Variants in ZWILCH observed in about 807,000 individuals in gnomAD.
ZWILCH encodes the protein zwilch kinetochore protein.
A neutral mutation model predicts 79.9 loss-of-function variants in ZWILCH; 74 were observed. The observed-to-expected ratio is 0.93, with a 90% CI of 0.77 to 1.12. The LOEUF is 1.12. ZWILCH is among the 50% of genes most tolerant of loss of function. The pLI, the probability that ZWILCH is intolerant of heterozygous loss-of-function variation, is 0.00. For synonymous variants in ZWILCH, 241 were observed against 228.2 expected (o/e 1.06, Z -0.51); for missense variants, 694 against 687.5 (o/e 1.01, Z -0.11).
Position 66,548,356 on chromosome 15 carries a change from G to A in ZWILCH, c.*32G>A. On this transcript the variant is annotated 3_prime_UTR_variant, in exon 19 of 19. Coordinates refer to ENST00000307897, the MANE Select transcript of ZWILCH (RefSeq NM_017975.5). ...TTCTAATTCTTAAATCCCAGCACAA[G>A]CCAAAAAGAGAAAGAGAAAAAAAGG... 1 of 464,888 alleles carries A rather than the reference G, an allele frequency of 2.2e-6. No homozygotes were observed. The highest frequency in any genetic ancestry group is 3.8e-6 in the Non-Finnish European group (1 of 261,090). The allele number at this position is 464,888 out of a possible 1,614,324, so 28.8% of individuals were successfully genotyped here.
intron 2 of ZWILCH, 158 bp from the exon 3 acceptor site, chr15:66,513,830 C>T (rs977878317): frequency 3.0e-5 from 12 of 396,180 alleles, no homozygotes; most frequent in South Asian, 6.0e-5. Context: ...CTGGGCCTCC[C>T]GAAGTGCTGG....
At chr15:66,545,787 G>A (rs1480695798) in intron 17 of ZWILCH, among the ~76,000 whole-genome samples, 1 of 152,172 alleles carries the variant, frequency 6.6e-6, no homozygotes, top group Non-Finnish European at 1.5e-5. Flanking sequence ...TTCAAACAAA[G>A]TCTTAATTGT....
At chr15:66,525,756 C>CTTTTTTTTTT (rs66835007) in intron 8 of ZWILCH, among the ~76,000 whole-genome samples, 4 of 93,468 alleles carry the variant, frequency 4.3e-5, no homozygotes, top group Non-Finnish European at 6.1e-5. Flanking sequence ...TCACATTTTT[C>CTTTTTTTTTT]TTTTTTTTTT....
chr15:66,522,751 A>G (rs1253707924), intron 7 of ZWILCH, among the ~76,000 whole-genome samples: 2 of 152,236 alleles, frequency 1.3e-5, no homozygotes, highest in Non-Finnish European at 2.9e-5. Flanking sequence ...TCTCAACTAT[A>G]TTGTTTAAAA....
intron 8 of ZWILCH, among the ~76,000 whole-genome samples, chr15:66,526,737 C>T (rs1894688516): frequency 6.6e-6 from 1 of 152,114 alleles, no homozygotes; most frequent in African/African-American, 2.4e-5. Flanking sequence ...GCTGGGATTA[C>T]AGGTGTGAGC....
intron 14 of ZWILCH, among the ~76,000 whole-genome samples, 198 bp from the exon 15 acceptor site, chr15:66,535,735 G>A (rs1894994663): frequency 6.7e-6 from 1 of 149,608 alleles, no homozygotes; most frequent in East Asian, 1.9e-4. Context: ...AAACACTGTT[G>A]TATGGTGCAT....
chr15:66,539,034 T>C (rs756091210), intron 16 of ZWILCH, among the ~76,000 whole-genome samples: 1 of 152,220 alleles, frequency 6.6e-6, no homozygotes, highest in Non-Finnish European at 1.5e-5. Flanking sequence ...CCCCAGCTTA[T>C]TGAAGTAGCA....
chr15:66,506,907 A>G (rs560214094), intron 1 of ZWILCH, among the ~76,000 whole-genome samples: 30 of 147,970 alleles, frequency 2.0e-4, no homozygotes, highest in African/African-American at 6.8e-4. Context: ...GCCAGGCTGG[A>G]GTGCAGTGGT....
chr15:66,521,001 G>C, intron 6 of ZWILCH, 49 bp from the exon 7 acceptor site: 2 of 1,592,526 alleles, frequency 1.3e-6, no homozygotes, highest in Non-Finnish European at 1.7e-6. Flanking sequence ...ATGGACTCTT[G>C]GCCATGTGGA....
chr15:66,541,030 C>T (rs1227266948), intron 17 of ZWILCH, among the ~76,000 whole-genome samples: 1 of 150,958 alleles, frequency 6.6e-6, no homozygotes, highest in African/African-American at 2.4e-5. Flanking sequence ...GTAATCCCAG[C>T]ACTTTGGGAG....
chr15:66,508,991 G>A (rs1893928117), intron 2 of ZWILCH, 99 bp downstream of exon 2: 6 of 1,312,996 alleles, frequency 4.6e-6, no homozygotes, highest in Non-Finnish European at 4.2e-6. Context: ...CCAGGCTGGA[G>A]TGCAGTGGCG....
At chr15:66,522,331 CTTT>C (rs1292788536) in intron 7 of ZWILCH, among the ~76,000 whole-genome samples, 5 of 135,816 alleles carry the variant, frequency 3.7e-5, no homozygotes, top group African/African-American at 5.5e-5. Context: ...AGATTTCTTT[CTTT>C]TTTTTTTTTT....
In ZWILCH at chr15:66,540,084, T is replaced by G. The variant is rs751355613; in HGVS notation, c.1575-14T>G. On this transcript the variant is annotated splice_polypyrimidine_tract_variant and intron_variant, in intron 16 of 18. Coordinates refer to ENST00000307897, the MANE Select transcript of ZWILCH (RefSeq NM_017975.5). ...TTTGAAAATTTTTCTTTTGTCGTTT[T>G]ATTCTTTCCTTAGTGAGAAGCCACA... 1 of 1,584,900 alleles carries G rather than the reference T, an allele frequency of 6.3e-7. No homozygotes were observed. Among genetic ancestry groups the G allele is most frequent in the Non-Finnish European group, 8.6e-7 (1 of 1,166,442 alleles).
At chr15:66,513,929 T>C in intron 2 of ZWILCH, 59 bp from the exon 3 acceptor site, 1 of 1,351,744 alleles carries the variant, frequency 7.4e-7, no homozygotes, top group Non-Finnish European at 1.0e-6. Context: ...TCTTTATGTG[T>C]TTAGATAGTA....
At chr15:66,533,230 T>C (rs1435552935) in intron 14 of ZWILCH, among the ~76,000 whole-genome samples, 3 of 152,198 alleles carry the variant, frequency 2.0e-5, no homozygotes, top group African/African-American at 4.8e-5. Flanking sequence ...GTGATACTTA[T>C]ATATAGTTAT....
At chr15:66,535,705 G>A (rs1185610674) in intron 14 of ZWILCH, among the ~76,000 whole-genome samples, 1 of 150,428 alleles carries the variant, frequency 6.6e-6, no homozygotes, top group East Asian at 1.9e-4. Context: ...ACTGTAATAT[G>A]TGTGATCCAT....
At chr15:66,510,541 G>A (rs1312176090) in intron 2 of ZWILCH, among the ~76,000 whole-genome samples, 1 of 152,116 alleles carries the variant, frequency 6.6e-6, no homozygotes, top group Non-Finnish European at 1.5e-5. Flanking sequence ...ATATATCTGG[G>A]TAAACTCATT....
chr15:66,523,463 G>A (rs577941691), intron 7 of ZWILCH: 1 of 453,526 alleles, frequency 2.2e-6, no homozygotes, highest in South Asian at 4.9e-5. Flanking sequence ...ATAGAAAGAG[G>A]ATAAGTGGTT....
At chr15:66,544,724 T>TTTTTTTTTTTTTTGTGTG (rs145952622) in intron 17 of ZWILCH, among the ~76,000 whole-genome samples, 3 of 128,542 alleles carry the variant, frequency 2.3e-5, no homozygotes, top group East Asian at 2.5e-4. Flanking sequence ...TTTTTGGTTT[T>TTTTTTTTTTTTTTGTGTG]TGTGTGTGTG....
Sources: allele counts gnomAD v4.1 joint callset (sites outside exome capture counted in the v4.1 genomes callset), GRCh38; gene constraint gnomAD v4.1.1; transcripts MANE v1.5; gene names NCBI Gene and HGNC (gene_info 2026-07-23, HGNC 2026-07-21).